TAFA1: variants seen among roughly 807,000 people sequenced by gnomAD.
TAFA1 encodes TAFA chemokine like family member 1.
TAFA1 carries 4 observed loss-of-function variants against 18.5 expected under a neutral mutation model. The ratio of observed to expected loss-of-function variants is 0.22; its 90% CI spans 0.11 to 0.49. TAFA1 has a LOEUF of 0.49. Among genes scored for constraint, TAFA1 ranks in the 20% least tolerant of loss-of-function variants. TAFA1 has a pLI of 0.98. For synonymous variants in TAFA1, 56 were observed against 55.2 expected, an observed-to-expected ratio of 1.01 and a Z score of -0.06; for missense variants, 147 against 169.0, an observed-to-expected ratio of 0.87 and a Z score of 0.72.
chr3:68,492,987 T>A (rs1467040407), intron 3 of TAFA1, among the ~76,000 whole-genome samples: 1 of 152,206 alleles, frequency 6.6e-6, no homozygotes, highest in Non-Finnish European at 1.5e-5. Context: ...TCTTATTTTT[T>A]ATTGTAAAAT....
intron 2 of TAFA1, among the ~76,000 whole-genome samples, chr3:68,332,699 T>C (rs934016118): frequency 3.9e-5 from 6 of 152,148 alleles, no homozygotes; most frequent in African/African-American, 1.4e-4. Flanking sequence ...TGGATATAAA[T>C]CAAAATCACT....
chr3:67,992,372 A>G, the TAFA1 span, among the ~76,000 whole-genome samples: 1 of 152,232 alleles, frequency 6.6e-6, no homozygotes, highest in Non-Finnish European at 1.5e-5. Flanking sequence ...CAGTGCCACT[A>G]TGCAGTCAAT....
chr3:68,307,890 C>A (rs72626945), intron 2 of TAFA1, among the ~76,000 whole-genome samples: 3,931 of 152,226 alleles, frequency 0.026, 90 homozygotes, highest in East Asian at 0.098. Context: ...GCAAGAGACT[C>A]ATAACTGCCC....
intron 2 of TAFA1, among the ~76,000 whole-genome samples, chr3:68,020,861 A>C (rs987695941): frequency 2.6e-5 from 4 of 152,104 alleles, no homozygotes; most frequent in Non-Finnish European, 2.9e-5. Flanking sequence ...TGTGTACGTA[A>C]TTACAGGTGA....
rs2069055870 is a variant in TAFA1, at chr3:68,340,149, T to A, written c.119-77131T>A. Among the ~76,000 whole-genome samples the A allele has an allele frequency of 2.0e-5, 3 of 152,332 alleles. No homozygotes were observed. The South Asian group carries it at 6.2e-4, about 32-fold the overall frequency. ...AAAACAAGCCACTGTGTTTTTGACATACATGCAAATTGAGTATTCTACTGT... is the reference window on the plus strand; with the variant it reads ...AAAACAAGCCACTGTGTTTTTGACAAACATGCAAATTGAGTATTCTACTGT... On this transcript the variant is annotated intron_variant, in intron 2 of 4. Transcript: ENST00000478136.
Position 68,015,292 on chromosome 3 carries a change from C to CTT in TAFA1, c.118+8558_118+8559dup, listed in dbSNP as rs68104013. 7.9e-3 allele frequency among the ~76,000 whole-genome samples: 1,150 copies of CTT among 145,238 alleles called. 9 individuals are homozygous for CTT. The highest frequency in any genetic ancestry group is 0.021 in the African/African-American group (817 of 39,614). ...ATTTTCTTTCTTTCTTTTTTCTTTC[C>CTT]TTTTTTTTTTTGAGACGTAGTTTTG... is the stretch of plus-strand genomic sequence containing the variant. On this transcript the variant is annotated intron_variant, in intron 2 of 4. Coordinates refer to ENST00000478136, the MANE Select transcript of TAFA1 (RefSeq NM_213609.4).
intron 3 of TAFA1, among the ~76,000 whole-genome samples, chr3:68,446,739 G>T (rs1175771441): frequency 6.6e-6 from 1 of 152,162 alleles, no homozygotes; most frequent in Non-Finnish European, 1.5e-5. Flanking sequence ...TTGATGAATT[G>T]TTCACTGCAT....
intron 2 of TAFA1, among the ~76,000 whole-genome samples, chr3:68,083,096 A>G (rs1344573074): frequency 6.6e-6 from 1 of 152,184 alleles, no homozygotes; most frequent in Non-Finnish European, 1.5e-5. Flanking sequence ...GTTGCAGAGT[A>G]CTCACCAGCA....
chr3:68,091,710 G>A (rs1002315513), intron 2 of TAFA1, among the ~76,000 whole-genome samples: 1 of 152,092 alleles, frequency 6.6e-6, no homozygotes, highest in Non-Finnish European at 1.5e-5. Flanking sequence ...AGAGGCAGGA[G>A]CCAGCCTCAC....
intron 3 of TAFA1, among the ~76,000 whole-genome samples, chr3:68,529,780 C>A (rs568422462): frequency 6.6e-6 from 1 of 152,112 alleles, no homozygotes; most frequent in Non-Finnish European, 1.5e-5. Context: ...TGAGAATTCA[C>A]TCACCCTCCC....
chr3:68,455,343 T>G (rs997522739), intron 3 of TAFA1, among the ~76,000 whole-genome samples: 1 of 152,018 alleles, frequency 6.6e-6, no homozygotes, highest in African/African-American at 2.4e-5. Context: ...CATCATAACA[T>G]TTGTCTGATG....
chr3:68,164,605 T>C (rs1011978896), intron 2 of TAFA1, among the ~76,000 whole-genome samples: 1 of 150,534 alleles, frequency 6.6e-6, no homozygotes, highest in African/African-American at 2.5e-5. Flanking sequence ...CATGATCTCA[T>C]CTACCACATT....
intron 2 of TAFA1, among the ~76,000 whole-genome samples, chr3:68,307,268 G>A (rs527788451): frequency 2.0e-5 from 3 of 152,168 alleles, no homozygotes; most frequent in South Asian, 2.1e-4. Flanking sequence ...CTCATTTTTC[G>A]AAAGTTGGAA....
intron 3 of TAFA1, among the ~76,000 whole-genome samples, chr3:68,460,371 A>G (rs1307501274): frequency 6.6e-6 from 1 of 152,130 alleles, no homozygotes; most frequent in African/African-American, 2.4e-5. Flanking sequence ...TTTCTTCAGC[A>G]TCCACTACCT....
chr3:68,474,439 A>G (rs1575900747), intron 3 of TAFA1, among the ~76,000 whole-genome samples: 1 of 152,172 alleles, frequency 6.6e-6, no homozygotes, highest in Non-Finnish European at 1.5e-5. Context: ...TGGCTCTACC[A>G]TCCATAGAAG....
chr3:68,447,906 C>G (rs540478285), intron 3 of TAFA1, among the ~76,000 whole-genome samples: 1 of 152,302 alleles, frequency 6.6e-6, no homozygotes, highest in African/African-American at 2.4e-5. Flanking sequence ...GATCTAAACA[C>G]TTTATTAAGT....
chr3:68,202,629 T>G (rs1420078618), intron 2 of TAFA1, among the ~76,000 whole-genome samples: 2 of 151,722 alleles, frequency 1.3e-5, no homozygotes, highest in South Asian at 2.1e-4. Flanking sequence ...AAGCCAAATT[T>G]TAAATAACAA....
At chr3:68,131,600 A>G (rs1196034783) in intron 2 of TAFA1, among the ~76,000 whole-genome samples, 1 of 152,216 alleles carries the variant, frequency 6.6e-6, no homozygotes, top group Non-Finnish European at 1.5e-5. Flanking sequence ...TACATCCACA[A>G]AGAATAAGCC....
At chr3:68,263,699 A>G (rs2067483566) in intron 2 of TAFA1, among the ~76,000 whole-genome samples, 1 of 151,976 alleles carries the variant, frequency 6.6e-6, no homozygotes, top group African/African-American at 2.4e-5. Flanking sequence ...CTTGTCTCTC[A>G]ATCCAGGATA....
Sources: gnomAD v4.1 joint callset for allele counts (sites outside exome capture counted in the v4.1 genomes callset) on GRCh38, gnomAD v4.1.1 for gene constraint, MANE v1.5 for transcripts, NCBI Gene and HGNC (gene_info 2026-07-23, HGNC 2026-07-21) for gene names.